The following RTN4IP1 variants were observed in gnomAD, a reference collection of about 807,000 sequenced individuals.
RTN4IP1 encodes the protein reticulon 4 interacting protein 1.
RTN4IP1 carries 32 observed loss-of-function variants against 46.6 expected under a neutral mutation model. The ratio of observed to expected loss-of-function variants is 0.69; its 90% CI spans 0.52 to 0.92. The LOEUF is 0.92. Among genes scored for constraint, RTN4IP1 ranks in the 40% least tolerant of loss-of-function variants. The pLI, the probability that RTN4IP1 is intolerant of heterozygous loss-of-function variation, is 0.00. For missense variants in RTN4IP1, 424 were observed against 485.8 expected, an observed-to-expected ratio of 0.87 and a Z score of 1.20; for synonymous variants, 167 against 161.8, an observed-to-expected ratio of 1.03 and a Z score of -0.24.
intron 1 of RTN4IP1, among the ~76,000 whole-genome samples, chr6:106,623,314 A>G (rs1221486100): frequency 6.6e-6 from 1 of 152,186 alleles, no homozygotes; most frequent in Non-Finnish European, 1.5e-5. Context: ...GGAACAGAAA[A>G]CTAAAGTGGG....
chr6:106,622,912 T>C lies in RTN4IP1; in HGVS notation c.332A>G (p.Lys111Arg), dbSNP rs2114682020. ...CAGAGTCAGAGGAAATTCTTCTCCT[T>C]TGATTTTCACGTGTAAAGGATCACG... ...MKRDPLHVKI[K>R]GEEFPLTLGR... Residue 111 changes from lysine to arginine, a missense_variant, in exon 2 of 9, where the codon AAA (lysine) becomes AGA (arginine). By Grantham distance (26) the Lys-to-Arg change is conservative. Transcript: ENST00000369063. 1.9e-6 allele frequency: 3 copies of C among 1,614,134 alleles called. 1 individual carries two copies. The South Asian group carries it at 3.3e-5, about 18-fold the overall frequency.
chr6:106,602,574 C>T (rs532134965), intron 5 of RTN4IP1, among the ~76,000 whole-genome samples: 1 of 152,268 alleles, frequency 6.6e-6, no homozygotes, highest in Admixed American at 6.5e-5. Flanking sequence ...CATCCACACA[C>T]CCACTCATAT....
At position 106,628,800 on chromosome 6, in the gene RTN4IP1, G is replaced by T. The variant is rs758873539; in HGVS notation, c.222C>A (p.Val74=). 1.5e-5 allele frequency: 25 copies of T among 1,613,886 alleles called. No individual in the cohort carries two copies. The highest frequency in any genetic ancestry group is 4.0e-5 in the African/African-American group (3 of 74,890). ...CACTGGCAGCGTGAACTTTGACAATGACTTCATTTGGATAGTGTATGATAG... is the reference window on the plus strand; with the variant it reads ...CACTGGCAGCGTGAACTTTGACAATTACTTCATTTGGATAGTGTATGATAG... ...MMPIIHYPNE[V]IVKVHAASVN... Residue 74 remains valine, a synonymous_variant, in exon 1 of 9, where the codon GTC becomes GTA. Transcript: ENST00000369063.
Position 106,629,418 on chromosome 6 carries a change from A to T in RTN4IP1, c.-397T>A. 3.4e-6 allele frequency: 2 copies of T among 582,054 alleles called. No homozygotes were observed. The highest frequency in any genetic ancestry group is 6.1e-6 in the Non-Finnish European group (2 of 330,096). The allele number at this position is 582,054 out of a possible 1,614,324, so 36.1% of individuals were successfully genotyped here. ...CTCGCGATCCAACGCCAGAGAATCGAACGCTTGCCGACTGCCGCCGCGACC... is the reference window on the plus strand; with the variant it reads ...CTCGCGATCCAACGCCAGAGAATCGTACGCTTGCCGACTGCCGCCGCGACC... On this transcript the variant is annotated 5_prime_UTR_variant, in exon 1 of 9. Coordinates refer to ENST00000369063, the MANE Select transcript of RTN4IP1 (RefSeq NM_032730.5).
At chr6:106,587,891 G>A in intron 6 of RTN4IP1, 29 bp from the exon 7 acceptor site, 2 of 1,585,932 alleles carry the variant, frequency 1.3e-6, no homozygotes, top group Non-Finnish European at 1.7e-6. Context: ...ATCAAAACAT[G>A]GTTGTCAGGC....
intron 4 of RTN4IP1, 30 bp downstream of exon 4, chr6:106,619,172 T>C: frequency 6.2e-7 from 1 of 1,612,324 alleles, no homozygotes; most frequent in Non-Finnish European, 8.5e-7. Flanking sequence ...GAAAAGAGGT[T>C]TAGATGCTGC....
intron 7 of RTN4IP1, among the ~76,000 whole-genome samples, chr6:106,587,255 A>T (rs1775509426): frequency 1.3e-5 from 2 of 152,252 alleles, no homozygotes; most frequent in Admixed American, 1.3e-4. Context: ...CATGAAACAG[A>T]GAGAGGGTCA....
intron 6 of RTN4IP1, among the ~76,000 whole-genome samples, chr6:106,588,470 A>C (rs899186466): frequency 2.6e-5 from 4 of 152,214 alleles, no homozygotes; most frequent in Non-Finnish European, 4.4e-5. Flanking sequence ...CAGGTACAGC[A>C]TCAGGACAAT....
At chr6:106,580,840 T>A (rs1775352821) in intron 8 of RTN4IP1, among the ~76,000 whole-genome samples, 1 of 152,154 alleles carries the variant, frequency 6.6e-6, no homozygotes, top group South Asian at 2.1e-4. Flanking sequence ...AATATTGGGT[T>A]ATCCACTGAA....
chr6:106,583,752 C>T (rs536852716), intron 7 of RTN4IP1: 23 of 268,798 alleles, frequency 8.6e-5, no homozygotes, highest in Middle Eastern at 1.4e-3. Context: ...CATGAGGAAT[C>T]GGGCTGAGAC....
chr6:106,578,378 G>A (rs1775278633), intron 8 of RTN4IP1, among the ~76,000 whole-genome samples: 1 of 152,204 alleles, frequency 6.6e-6, no homozygotes, highest in African/African-American at 2.4e-5. Context: ...CAGTAAACTA[G>A]ACAAGTGCAA....
chr6:106,615,155 A>G (rs535417147), intron 4 of RTN4IP1, among the ~76,000 whole-genome samples: 1 of 152,222 alleles, frequency 6.6e-6, no homozygotes, highest in African/African-American at 2.4e-5. Context: ...TCAGGTGCAA[A>G]TGAAAACTTA....
intron 4 of RTN4IP1, among the ~76,000 whole-genome samples, chr6:106,604,161 ACCCT>A (rs1170158691): frequency 1.3e-5 from 2 of 151,968 alleles, no homozygotes; most frequent in East Asian, 3.9e-4. Context: ...TATAACCTTC[ACCCT>A]AGTTTCATTT....
At chr6:106,579,731 GC>G (rs1267511902) in intron 8 of RTN4IP1, among the ~76,000 whole-genome samples, 2 of 151,896 alleles carry the variant, frequency 1.3e-5, no homozygotes, top group Non-Finnish European at 2.9e-5. Context: ...GGCATGCAGG[GC>G]TAACAAGCAG....
In RTN4IP1 at chr6:106,619,302, T is replaced by G; in HGVS notation, c.520A>C (p.Thr174Pro). ...GGCAAAGAGGCAGCTTGAGTATGAGTGAGTGATTTGGGTTTGTGAGAGACC... is the reference window on the plus strand; with the variant it reads ...GGCAAAGAGGCAGCTTGAGTATGAGGGAGTGATTTGGGTTTGTGAGAGACC... ...NEVSHKPKSL[T>P]HTQAASLPYV... The change falls in exon 4 of 9, where the codon ACT (threonine) becomes CCT (proline). Residue 174 changes from threonine to proline, a missense_variant. Transcript: ENST00000369063. 1 of 1,614,042 alleles carries G rather than the reference T, an allele frequency of 6.2e-7. No homozygotes were observed. Among genetic ancestry groups the G allele is most frequent in the Non-Finnish European group, 8.5e-7 (1 of 1,180,000 alleles).
chr6:106,583,582 AATGG>A, intron 7 of RTN4IP1, 162 bp from the exon 8 acceptor site: 2 of 585,100 alleles, frequency 3.4e-6, no homozygotes, highest in Non-Finnish European at 6.2e-6. Flanking sequence ...ACTGACAGAG[AATGG>A]ATGCTCCATA....
chr6:106,592,991 T>C (rs959514873), intron 5 of RTN4IP1, among the ~76,000 whole-genome samples: 4 of 150,416 alleles, frequency 2.7e-5, no homozygotes, highest in African/African-American at 9.8e-5. Context: ...GGCCCAAAAA[T>C]AGTATGTCTT....
At chr6:106,574,595 C>A (rs1775173401) in intron 8 of RTN4IP1, among the ~76,000 whole-genome samples, 1 of 152,168 alleles carries the variant, frequency 6.6e-6, no homozygotes, top group South Asian at 2.1e-4. Context: ...TCCAAGGCCT[C>A]CTGTTAGAAC....
intron 4 of RTN4IP1, among the ~76,000 whole-genome samples, chr6:106,603,497 C>T (rs557991408): frequency 9.9e-5 from 15 of 152,126 alleles, no homozygotes; most frequent in African/African-American, 3.6e-4. Context: ...CATGTTAACT[C>T]ACAATAGCCT....
Sources: gnomAD v4.1 joint callset for allele counts (sites outside exome capture counted in the v4.1 genomes callset) on GRCh38, gnomAD v4.1.1 for gene constraint, MANE v1.5 for transcripts, NCBI Gene and HGNC (gene_info 2026-07-23, HGNC 2026-07-21) for gene names.